Variants in RFPL4AL1 observed in about 807,000 individuals in gnomAD.
The protein encoded by RFPL4AL1 is ret finger protein-like 4A-like protein 1.
A neutral mutation model predicts 8.2 loss-of-function variants in RFPL4AL1; 2 were observed. The ratio of observed to expected loss-of-function variants is 0.24; its 90% CI spans 0.10 to 0.77. The LOEUF (loss-of-function observed/expected upper bound fraction) is 0.77, where lower values mean the gene tolerates loss of function less well. Ranked by LOEUF, RFPL4AL1 falls within the 30% of genes least tolerant of loss-of-function variation. The pLI is 0.72. For synonymous variants in RFPL4AL1, 25 were observed against 131.8 expected, an observed-to-expected ratio of 0.19 and a Z score of 5.55; for missense variants, 57 against 350.3, an observed-to-expected ratio of 0.16 and a Z score of 6.68.
chr19:55,772,390 G>A lies in RFPL4AL1; in HGVS notation c.287-212G>A, dbSNP rs1156805290. ...CGAAAGGCATTTCTAATATGAATAA[G>A]GTGGACTTGTTACAATGATCATATT... On this transcript the variant is annotated intron_variant, in intron 2 of 2. Coordinates refer to ENST00000341750, the MANE Select transcript of RFPL4AL1 (RefSeq NM_001277397.2). Among the ~76,000 whole-genome samples, 18 of 129,572 alleles carry A rather than the reference G, an allele frequency of 1.4e-4. 1 individual carries two copies. The highest frequency in any genetic ancestry group is 4.6e-4 in the African/African-American group (17 of 37,348). 85.0% of individuals were successfully genotyped at this position (129,572 alleles called of 152,430 possible).
At chr19:55,770,149 C>T (rs1476121425) in intron 1 of RFPL4AL1, among the ~76,000 whole-genome samples, 2 of 152,160 alleles carry the variant, frequency 1.3e-5, no homozygotes, top group East Asian at 3.9e-4. Context: ...TACCAATTTT[C>T]TTTCCCACCA....
At chr19:55,771,383 C>G (rs1483210950) in intron 1 of RFPL4AL1, among the ~76,000 whole-genome samples, 3 of 152,118 alleles carry the variant, frequency 2.0e-5, no homozygotes, top group Non-Finnish European at 4.4e-5. Context: ...AACTTGAAAC[C>G]TTCTCAAGCA....
intron 1 of RFPL4AL1, among the ~76,000 whole-genome samples, chr19:55,771,343 A>C (rs1430720594): frequency 6.6e-6 from 1 of 152,108 alleles, no homozygotes; most frequent in African/African-American, 2.4e-5. Context: ...ATGAATTTTA[A>C]CTCAGAATAT....
At chr19:55,770,818 C>A (rs1989477784) in intron 1 of RFPL4AL1, among the ~76,000 whole-genome samples, 1 of 151,946 alleles carries the variant, frequency 6.6e-6, no homozygotes, top group Non-Finnish European at 1.5e-5. Context: ...GTTCTCGATT[C>A]TCTTGCGACC....
chr19:55,769,962 G>A (rs1258567646), intron 1 of RFPL4AL1, among the ~76,000 whole-genome samples: 1 of 151,976 alleles, frequency 6.6e-6, no homozygotes, highest in Non-Finnish European at 1.5e-5. Context: ...CACAGACGCT[G>A]GGGTTGTTTC....
At chr19:55,769,599 G>A (rs1242198656) in intron 1 of RFPL4AL1, among the ~76,000 whole-genome samples, 2 of 151,792 alleles carry the variant, frequency 1.3e-5, no homozygotes, top group African/African-American at 2.4e-5. Context: ...AGAAAGGGAA[G>A]GAAATGAAAA....
chr19:55,769,989 A>C (rs1200331398), intron 1 of RFPL4AL1, among the ~76,000 whole-genome samples: 4 of 151,980 alleles, frequency 2.6e-5, no homozygotes, highest in African/African-American at 9.7e-5. Flanking sequence ...TGTTGTGAAT[A>C]ATGCTGCAGA....
intron 1 of RFPL4AL1, among the ~76,000 whole-genome samples, chr19:55,770,069 G>T (rs1329940256): frequency 1.3e-5 from 2 of 151,940 alleles, no homozygotes; most frequent in African/African-American, 2.4e-5. Flanking sequence ...CAGAAGTAGG[G>T]TTGCTGGAAC....
chr19:55,770,518 T>G (rs1174660588), intron 1 of RFPL4AL1, among the ~76,000 whole-genome samples: 2 of 151,940 alleles, frequency 1.3e-5, no homozygotes, highest in Non-Finnish European at 2.9e-5. Context: ...GGAGGTGAAC[T>G]AATCATTAGG....
chr19:55,769,803 T>C lies in RFPL4AL1; in HGVS notation c.-10+628T>C, dbSNP rs566904052. ...CTCAGATTCCACATAACTGAGATCA[T>C]ACAGTGTTTACTTCCCTCAGCCTCA... On this transcript the variant is annotated intron_variant, in intron 1 of 2. Transcript: ENST00000341750. Among the ~76,000 whole-genome samples the C allele has an allele frequency of 5.1e-3, 778 of 151,706 alleles. 8 individuals carry two copies. Among genetic ancestry groups the C allele is most frequent in the African/African-American group, 0.018 (723 of 41,314 alleles).
chr19:55,771,090 T>TTG (rs1555799530), intron 1 of RFPL4AL1, among the ~76,000 whole-genome samples: 1 of 140,612 alleles, frequency 7.1e-6, no homozygotes, highest in East Asian at 2.0e-4. Context: ...TTTTTTGTTT[T>TTG]TTTTTTTTTT....
At chr19:55,772,184 A>G in intron 2 of RFPL4AL1, 94 bp downstream of exon 2, 11 of 1,259,472 alleles carry the variant, frequency 8.7e-6, no homozygotes, top group African/African-American at 3.1e-5. Context: ...TTAGCAGGAT[A>G]TCTAGCATCT....
At chr19:55,770,942 C>T (rs926169807) in intron 1 of RFPL4AL1, among the ~76,000 whole-genome samples, 2 of 151,928 alleles carry the variant, frequency 1.3e-5, no homozygotes, top group African/African-American at 4.8e-5. Flanking sequence ...AATGTCTATT[C>T]AGGATTCTGC....
intron 1 of RFPL4AL1, among the ~76,000 whole-genome samples, chr19:55,770,288 G>T (rs1303663855): frequency 1.3e-5 from 2 of 151,948 alleles, no homozygotes; most frequent in African/African-American, 4.8e-5. Context: ...GGCTCAGGAG[G>T]CTCTCTGGAT....
At chr19:55,769,855 G>A (rs1374665025) in intron 1 of RFPL4AL1, among the ~76,000 whole-genome samples, 1 of 151,804 alleles carries the variant, frequency 6.6e-6, no homozygotes, top group African/African-American at 2.4e-5. Flanking sequence ...TCATGCCCTC[G>A]GCCTTCATCC....
chr19:55,770,479 G>T (rs1180251732), intron 1 of RFPL4AL1, among the ~76,000 whole-genome samples: 1 of 151,920 alleles, frequency 6.6e-6, no homozygotes, highest in Admixed American at 6.6e-5. Flanking sequence ...GGAGTTTGGG[G>T]TTTCTATTTT....
At chr19:55,769,723 C>G (rs1051703583) in intron 1 of RFPL4AL1, among the ~76,000 whole-genome samples, 2 of 151,710 alleles carry the variant, frequency 1.3e-5, no homozygotes, top group African/African-American at 2.4e-5. Flanking sequence ...GGGTCTCGCT[C>G]TGTCTGCCAG....
intron 1 of RFPL4AL1, among the ~76,000 whole-genome samples, chr19:55,769,913 C>T (rs1047401248): frequency 6.6e-6 from 1 of 150,652 alleles, no homozygotes; most frequent in African/African-American, 2.5e-5. Context: ...GTAGAATAAT[C>T]CAATGTATAT....
chr19:55,769,373 G>A (rs1989446561), intron 1 of RFPL4AL1, among the ~76,000 whole-genome samples, 198 bp downstream of exon 1: 1 of 152,032 alleles, frequency 6.6e-6, no homozygotes, highest in African/African-American at 2.4e-5. Context: ...CAAGAGACTT[G>A]ACAATCTCCA....
Sources: allele counts gnomAD v4.1 joint callset (sites outside exome capture counted in the v4.1 genomes callset), GRCh38; gene constraint gnomAD v4.1.1; transcripts MANE v1.5; gene names NCBI Gene and HGNC (gene_info 2026-07-23, HGNC 2026-07-21).